The following ANO2 variants were observed in gnomAD, a reference collection of about 807,000 sequenced individuals.
ANO2 encodes the protein anoctamin-2.
ANO2 carries 101 observed loss-of-function variants against 124.2 expected under a neutral mutation model. The ratio of observed to expected loss-of-function variants is 0.81; its 90% CI spans 0.69 to 0.96. ANO2 has a LOEUF of 0.96. Among genes scored for constraint, ANO2 ranks in the 40% least tolerant of loss-of-function variants. The pLI, the probability that ANO2 is intolerant of heterozygous loss-of-function variation, is 0.00. For missense variants in ANO2, 1,293 were observed against 1,274.5 expected, an observed-to-expected ratio of 1.01 and a Z score of -0.22; for synonymous variants, 486 against 482.5, an observed-to-expected ratio of 1.01 and a Z score of -0.09.
chr12:5,842,768 G>A (rs958826640), intron 4 of ANO2, among the ~76,000 whole-genome samples: 11 of 152,246 alleles, frequency 7.2e-5, no homozygotes, highest in Middle Eastern at 3.4e-3. Context: ...AGGCCTCCAC[G>A]TAGTCAACCG....
At chr12:5,871,639 ATGATC>A (rs1937704073) in intron 3 of ANO2, among the ~76,000 whole-genome samples, 2 of 152,198 alleles carry the variant, frequency 1.3e-5, no homozygotes, top group African/African-American at 4.8e-5. Context: ...TTAATGCCTG[ATGATC>A]TGAGGTAGAA....
chr12:5,641,542 T>C (rs1302922000), intron 15 of ANO2, among the ~76,000 whole-genome samples: 2 of 152,210 alleles, frequency 1.3e-5, no homozygotes, highest in Non-Finnish European at 2.9e-5. Context: ...AGAAGTGCTA[T>C]TAATAATTCT....
chr12:5,721,555 C>T (rs7316629), intron 14 of ANO2, among the ~76,000 whole-genome samples: 54,282 of 150,536 alleles, frequency 0.36, 11,556 homozygotes, highest in East Asian at 0.56. Context: ...ACCCAGGTTT[C>T]AGTGCAGTGG....
At position 5,904,242 on chromosome 12, in the gene ANO2, T is replaced by C. The variant is rs566778335; in HGVS notation, c.534+16798A>G. On this transcript the variant is annotated intron_variant, in intron 3 of 24. Coordinates refer to ENST00000682330, the MANE Select transcript of ANO2 (RefSeq NM_001364791.2). This position sits in a 1 kb window ranked among gnomAD's most constrained non-coding sequence, Gnocchi z 4.1. Reference sequence around the variant, plus strand: ...GACTCCCATCTGGGACCATGGTCCTTGAAAAAGGAAAGAGCCAATATGATG... The same window carrying C: ...GACTCCCATCTGGGACCATGGTCCTCGAAAAAGGAAAGAGCCAATATGATG... 6.6e-6 allele frequency among the ~76,000 whole-genome samples: 1 copy of C among 152,210 alleles called. No individual in the cohort carries two copies. The highest frequency in any genetic ancestry group is 1.9e-4 in the East Asian group (1 of 5,182).
intron 14 of ANO2, among the ~76,000 whole-genome samples, chr12:5,715,078 C>T (rs1312049687): frequency 2.0e-5 from 3 of 151,832 alleles, no homozygotes; most frequent in African/African-American, 7.3e-5. Flanking sequence ...TTCCATAGGT[C>T]AACACTGTTT....
intron 8 of ANO2, among the ~76,000 whole-genome samples, chr12:5,806,788 C>CA (rs916541712): frequency 1.3e-5 from 2 of 152,160 alleles, no homozygotes; most frequent in South Asian, 4.1e-4. Context: ...AGATTTTCTT[C>CA]AAAAAAAATT....
chr12:5,873,196 G>GCTCTCTCGCT (rs1937828500), intron 3 of ANO2, among the ~76,000 whole-genome samples: 1 of 118,934 alleles, frequency 8.4e-6, no homozygotes, highest in Admixed American at 8.5e-5. Context: ...GCCTAAAGCA[G>GCTCTCTCGCT]CTCTCTCTCT....
chr12:5,740,853 T>A (rs1951070931), intron 12 of ANO2: 1 of 152,260 alleles, frequency 6.6e-6, no homozygotes, highest in Non-Finnish European at 1.5e-5. Flanking sequence ...ACAACATATA[T>A]CCCATGCCCA....
chr12:5,851,123 T>C (rs764045030), intron 4 of ANO2, among the ~76,000 whole-genome samples: 8 of 152,138 alleles, frequency 5.3e-5, no homozygotes, highest in Non-Finnish European at 1.0e-4. Flanking sequence ...AACCCAGAGA[T>C]GGCTGCTTTA....
chr12:5,586,413 A>G (rs1352232148), intron 20 of ANO2, among the ~76,000 whole-genome samples: 2 of 152,224 alleles, frequency 1.3e-5, no homozygotes, highest in Non-Finnish European at 2.9e-5. Flanking sequence ...TGTAAACAGG[A>G]TGGCCCAGGG....
intron 3 of ANO2, among the ~76,000 whole-genome samples, chr12:5,876,479 G>A (rs529682260): frequency 1.4e-4 from 21 of 152,130 alleles, no homozygotes; most frequent in African/African-American, 5.1e-4. Context: ...CCTATTACTG[G>A]GTATAAACGC....
At chr12:5,695,922 T>A (rs910003618) in intron 14 of ANO2, among the ~76,000 whole-genome samples, 1 of 152,234 alleles carries the variant, frequency 6.6e-6, no homozygotes, top group Non-Finnish European at 1.5e-5. Flanking sequence ...GAGGGCAGGC[T>A]TTTTGACTAT....
intron 19 of ANO2, among the ~76,000 whole-genome samples, chr12:5,611,131 C>T (rs978797788): frequency 4.6e-5 from 7 of 151,672 alleles, no homozygotes; most frequent in African/African-American, 7.3e-5. Context: ...CAACCACACC[C>T]GGCTAATTTT....
intron 23 of ANO2, among the ~76,000 whole-genome samples, chr12:5,566,717 T>C (rs552869646): frequency 7.2e-5 from 11 of 152,320 alleles, no homozygotes; most frequent in African/African-American, 2.2e-4. Flanking sequence ...AGGCAGGCAT[T>C]GTTACCCCAG....
At chr12:5,657,949 A>G (rs1947243080) in intron 14 of ANO2, among the ~76,000 whole-genome samples, 1 of 152,146 alleles carries the variant, frequency 6.6e-6, no homozygotes, top group South Asian at 2.1e-4. Flanking sequence ...CTCCACATAT[A>G]TGTGGACTGA....
intron 3 of ANO2, among the ~76,000 whole-genome samples, chr12:5,910,108 A>T (rs1044972394): frequency 1.3e-5 from 2 of 152,232 alleles, no homozygotes; most frequent in African/African-American, 4.8e-5. Flanking sequence ...CATAATTTCT[A>T]AGTACAAATG....
intron 3 of ANO2, among the ~76,000 whole-genome samples, chr12:5,854,723 T>A (rs1461477487): frequency 1.3e-5 from 2 of 152,214 alleles, no homozygotes; most frequent in African/African-American, 4.8e-5. Context: ...CCTATATGAA[T>A]ACAGAACATG....
In ANO2 at chr12:5,922,778, G is replaced by A. The variant is rs766546668; in HGVS notation, c.49C>T (p.Arg17Cys). ...RDIPLLPGSP[R>C]RLSPQAGSRG... ...GACCCTGCCTGAGGGCTCAGCCGGC[G>A]TGGGGAGCCAGGGAGCAGGGGTATA... The change falls in exon 2 of 25, where the codon CGC becomes TGC. Residue 17 changes from arginine to cysteine, a missense_variant. Physicochemically the swap from Arg to Cys is radical, Grantham distance 180. Coordinates refer to ENST00000682330, the MANE Select transcript of ANO2 (RefSeq NM_001364791.2). 2.7e-5 allele frequency: 41 copies of A among 1,542,108 alleles called. No individual in the cohort carries two copies. The highest frequency in any genetic ancestry group is 1.1e-4 in the South Asian group (9 of 81,644).
chr12:5,832,582 C>T lies in ANO2; in HGVS notation c.655G>A (p.Gly219Ser). 2 of 1,613,622 alleles carry T rather than the reference C, an allele frequency of 1.2e-6. No homozygotes were observed. The highest frequency in any genetic ancestry group is 4.5e-5 in the East Asian group (2 of 44,870). ...GCGCTGAACTTCTTTGCAATGCTGC[C>T]TCCTGCTTTGATCTCGTACATCTAT... is the stretch of plus-strand genomic sequence containing the variant. Reference protein sequence around the residue: ...TKKMYEIKAGGSIAKKFSAAL... With the variant: ...TKKMYEIKAGSSIAKKFSAAL... The change falls in exon 5 of 25, where the codon GGC becomes AGC. Residue 219 changes from glycine to serine, a missense_variant. By Grantham distance (56) the Gly-to-Ser change is moderately conservative. Coordinates refer to ENST00000682330, the MANE Select transcript of ANO2 (RefSeq NM_001364791.2).
Sources: allele counts gnomAD v4.1 joint callset (sites outside exome capture counted in the v4.1 genomes callset), GRCh38; gene constraint gnomAD v4.1.1; non-coding constraint Gnocchi (gnomAD v3.1); transcripts MANE v1.5; gene names NCBI Gene and HGNC (gene_info 2026-07-23, HGNC 2026-07-21).